The following GAS7 variants were observed in gnomAD, a reference collection of about 807,000 sequenced individuals.
GAS7 encodes growth arrest-specific protein 7.
A neutral mutation model predicts 71.1 loss-of-function variants in GAS7; 28 were observed. The ratio of observed to expected loss-of-function variants is 0.39; its 90% CI spans 0.29 to 0.54. The LOEUF (loss-of-function observed/expected upper bound fraction) is 0.54. GAS7 is among the 20% of genes least tolerant of loss of function. The pLI is 0.62. For synonymous variants in GAS7, 258 were observed against 245.8 expected, an observed-to-expected ratio of 1.05 and a Z score of -0.46; for missense variants, 436 against 627.8, an observed-to-expected ratio of 0.69 and a Z score of 3.27.
At chr17:10,127,020 C>G (rs1402761184) in intron 1 of GAS7, among the ~76,000 whole-genome samples, 1 of 152,162 alleles carries the variant, frequency 6.6e-6, no homozygotes, top group East Asian at 1.9e-4. Flanking sequence ...TTGGAGCCAG[C>G]CTGCTGGTAG....
At chr17:10,186,824 G>A (rs937714681) in intron 1 of GAS7, among the ~76,000 whole-genome samples, 2 of 152,088 alleles carry the variant, frequency 1.3e-5, no homozygotes, top group African/African-American at 4.8e-5. Context: ...GGAGGCAGAG[G>A]TTGCAGTGAG....
chr17:10,146,960 T>TAAAAAAAAAAAA lies in GAS7; in HGVS notation c.183+51247_183+51248insTTTTTTTTTTTT, dbSNP rs1252230604. Among the ~76,000 whole-genome samples, 21 of 144,834 alleles carry TAAAAAAAAAAAA rather than the reference T, an allele frequency of 1.4e-4. 2 individuals are homozygous for TAAAAAAAAAAAA. Among genetic ancestry groups the TAAAAAAAAAAAA allele is most frequent in the South Asian group, 4.6e-4 (2 of 4,354 alleles). On this transcript the variant is annotated intron_variant, in intron 1 of 13. Transcript: ENST00000432992. ...CGCGCCAGAGCGAGACTCCGTCTCA[T>TAAAAAAAAAAAA]AAAAAAAACGATCTCTGTCTTCCTG... is the stretch of plus-strand genomic sequence containing the variant.
intron 9 of GAS7, among the ~76,000 whole-genome samples, chr17:9,932,935 G>C (rs117187565): frequency 6.6e-6 from 1 of 152,088 alleles, no homozygotes. Flanking sequence ...CACTTTGGGA[G>C]GCGGAGGAGG....
intron 2 of GAS7, among the ~76,000 whole-genome samples, chr17:9,987,004 G>A (rs1208110596): frequency 6.6e-6 from 1 of 152,218 alleles, no homozygotes; most frequent in Admixed American, 6.5e-5. Flanking sequence ...GGAGGAAGCC[G>A]TGTCCAGGTC....
At chr17:10,049,916 G>T (rs146488565) in intron 1 of GAS7, among the ~76,000 whole-genome samples, 1 of 151,970 alleles carries the variant, frequency 6.6e-6, no homozygotes, top group South Asian at 2.1e-4. Flanking sequence ...CACCGCGCCC[G>T]GTCTGAAATT....
At chr17:10,002,422 T>TA (rs2071302538) in intron 2 of GAS7, among the ~76,000 whole-genome samples, 1 of 152,012 alleles carries the variant, frequency 6.6e-6, no homozygotes, top group Admixed American at 6.5e-5. Flanking sequence ...TTTATTTTTT[T>TA]AATTATACTT....
intron 2 of GAS7, among the ~76,000 whole-genome samples, chr17:10,015,479 G>A (rs1014799091): frequency 1.3e-5 from 2 of 152,200 alleles, no homozygotes; most frequent in African/African-American, 4.8e-5. Flanking sequence ...AGGCAGAAAG[G>A]CAGATAGATG....
At chr17:10,124,470 C>G (rs1205886282) in intron 1 of GAS7, among the ~76,000 whole-genome samples, 1 of 152,246 alleles carries the variant, frequency 6.6e-6, no homozygotes, top group Admixed American at 6.5e-5. Context: ...ACTGGCAGAT[C>G]GGGGCTCTGG....
intron 1 of GAS7, among the ~76,000 whole-genome samples, chr17:10,110,159 A>AATGG (rs1357985376): frequency 8.5e-5 from 13 of 152,212 alleles, no homozygotes; most frequent in South Asian, 6.2e-4. Flanking sequence ...AGTGTCCATC[A>AATGG]ATGGACAAGT....
intron 1 of GAS7, among the ~76,000 whole-genome samples, chr17:10,196,591 A>T (rs1318982395): frequency 6.6e-6 from 1 of 152,178 alleles, no homozygotes; most frequent in Non-Finnish European, 1.5e-5. Context: ...TCCCGGAAGA[A>T]AAAGCAGCAC....
chr17:10,071,338 G>C (rs1418372037), intron 1 of GAS7, among the ~76,000 whole-genome samples: 7 of 152,298 alleles, frequency 4.6e-5, no homozygotes, highest in Admixed American at 4.6e-4. Flanking sequence ...GAATCACCCT[G>C]GGTCTGTGCC....
At chr17:9,943,645 AC>A (rs1302980592) in intron 6 of GAS7, among the ~76,000 whole-genome samples, 3 of 152,106 alleles carry the variant, frequency 2.0e-5, no homozygotes, top group Admixed American at 2.0e-4. Flanking sequence ...AGGAGCAGGT[AC>A]CCCCAGCCTT....
intron 1 of GAS7, among the ~76,000 whole-genome samples, chr17:10,055,183 A>T (rs1322241544): frequency 6.6e-6 from 1 of 152,208 alleles, no homozygotes; most frequent in Non-Finnish European, 1.5e-5. Flanking sequence ...TGACACAGCC[A>T]TCATGGTGAG....
chr17:9,958,904 A>C, intron 5 of GAS7: 1 of 1,217,420 alleles, frequency 8.2e-7, no homozygotes, highest in Non-Finnish European at 1.1e-6. Context: ...CACCCCCTTC[A>C]ACCCACTCCC....
At chr17:10,134,472 T>C (rs1191557295) in intron 1 of GAS7, among the ~76,000 whole-genome samples, 5 of 152,196 alleles carry the variant, frequency 3.3e-5, no homozygotes, top group Non-Finnish European at 7.3e-5. Flanking sequence ...AGTATGGTAA[T>C]TCTATTTTTA....
At chr17:10,024,252 GC>G (rs2072383318) in intron 1 of GAS7, among the ~76,000 whole-genome samples, 1 of 152,144 alleles carries the variant, frequency 6.6e-6, no homozygotes, top group Non-Finnish European at 1.5e-5. Flanking sequence ...ACCCTTCATG[GC>G]CACAGAGGGG....
chr17:10,182,718 T>A (rs2074425625), intron 1 of GAS7, among the ~76,000 whole-genome samples: 1 of 152,146 alleles, frequency 6.6e-6, no homozygotes, highest in South Asian at 2.1e-4. Flanking sequence ...ACCGGCTTTG[T>A]GGTACCGCCA....
At chr17:10,129,087 G>A (rs560396871) in intron 1 of GAS7, among the ~76,000 whole-genome samples, 34 of 152,196 alleles carry the variant, frequency 2.2e-4, no homozygotes, top group South Asian at 2.1e-4. Context: ...TAGCAAAAAC[G>A]CCAAGACCAC....
chr17:10,133,243 C>T (rs1377839489), intron 1 of GAS7, among the ~76,000 whole-genome samples: 1 of 151,836 alleles, frequency 6.6e-6, no homozygotes, highest in East Asian at 1.9e-4. Context: ...CTATCTCAGT[C>T]TCCCAAGTAG....
Sources: gnomAD v4.1 joint callset for allele counts (sites outside exome capture counted in the v4.1 genomes callset) on GRCh38, gnomAD v4.1.1 for gene constraint, MANE v1.5 for transcripts, NCBI Gene and HGNC (gene_info 2026-07-23, HGNC 2026-07-21) for gene names.